Variants in OR51B5 observed in about 807,000 individuals in gnomAD.
The protein encoded by OR51B5 is olfactory receptor 51B5.
For missense variants in OR51B5, 456 were observed against 374.6 expected, an observed-to-expected ratio of 1.22 and a Z score of -1.79; for synonymous variants, 186 against 144.8, an observed-to-expected ratio of 1.28 and a Z score of -2.04.
downstream of OR51B5, among the ~76,000 whole-genome samples, chr11:5,341,939 G>C (rs375009277): frequency 6.6e-6 from 1 of 152,276 alleles, no homozygotes; most frequent in East Asian, 1.9e-4. Context: ...TTTGTTACAA[G>C]TTTGTCAGAA....
intron 1 of OR51B5, among the ~76,000 whole-genome samples, chr11:5,388,034 A>G (rs1849728008): frequency 6.6e-6 from 1 of 152,148 alleles, no homozygotes; most frequent in African/African-American, 2.4e-5. Context: ...CACCAACCTA[A>G]TAGAATTATG....
At chr11:5,505,007 T>G (rs956006558) in intron 1 of OR51B5, among the ~76,000 whole-genome samples, 1 of 152,246 alleles carries the variant, frequency 6.6e-6, no homozygotes, top group African/African-American at 2.4e-5. Flanking sequence ...CCAATTCACC[T>G]GGTGTCTTCC....
At position 5,422,399 on chromosome 11, in the gene OR51B5, A is replaced by G. The variant is rs779310676; in HGVS notation, n.85-75489T>C. The G allele has an allele frequency of 3.7e-6, 6 of 1,614,036 alleles. No individual in the cohort carries two copies. The South Asian group carries it at 6.6e-5, about 18-fold the overall frequency. ...CCAGCGCATGTATCTGTTTCTCTCCATGCTGGCCCTGACGGACCTGGGTCT... is the reference window on the plus strand; with the variant it reads ...CCAGCGCATGTATCTGTTTCTCTCCGTGCTGGCCCTGACGGACCTGGGTCT... On this transcript the variant is annotated intron_variant and non_coding_transcript_variant, in intron 1 of 4. Transcript: ENST00000415970.
chr11:5,397,238 A>G (rs999620826), intron 1 of OR51B5, among the ~76,000 whole-genome samples: 3 of 152,246 alleles, frequency 2.0e-5, no homozygotes, highest in African/African-American at 7.2e-5. Flanking sequence ...TCTGCACAGC[A>G]AAAGAAACTA....
chr11:5,366,840 G>A (rs893686114), intron 1 of OR51B5, among the ~76,000 whole-genome samples: 3 of 152,148 alleles, frequency 2.0e-5, no homozygotes, highest in Middle Eastern at 3.2e-3. Flanking sequence ...TCCCAAGCAC[G>A]GGTCTCTGTG....
At chr11:5,444,709 C>T (rs1850737127) in intron 1 of OR51B5, among the ~76,000 whole-genome samples, 1 of 152,042 alleles carries the variant, frequency 6.6e-6, no homozygotes, top group African/African-American at 2.4e-5. Flanking sequence ...ATTTATGAGC[C>T]CTCCAGAACA....
chr11:5,408,298 G>A (rs1367359972), intron 1 of OR51B5, among the ~76,000 whole-genome samples: 1 of 151,616 alleles, frequency 6.6e-6, no homozygotes, highest in Non-Finnish European at 1.5e-5. Flanking sequence ...CATGTATTAG[G>A]AAAAACCTCC....
Position 5,424,954 on chromosome 11 carries a change from C to T in OR51B5, n.85-78044G>A, listed in dbSNP as rs1850424489. ...CCGAGATCCCGCCACTGCACTCCAG[C>T]CTGGGCGACAGAGTGAGACTCCGCC... On this transcript the variant is annotated intron_variant and non_coding_transcript_variant, in intron 1 of 4. Transcript: ENST00000415970. Among the ~76,000 whole-genome samples, 2 of 93,934 alleles carry T rather than the reference C, an allele frequency of 2.1e-5. 1 individual carries two copies. The highest frequency in any genetic ancestry group is 4.7e-5 in the Non-Finnish European group (2 of 42,226). The allele number at this position is 93,934 out of a possible 152,430, so 61.6% of individuals were successfully genotyped here.
chr11:5,396,217 C>A (rs560083252), intron 1 of OR51B5, among the ~76,000 whole-genome samples: 2 of 152,010 alleles, frequency 1.3e-5, no homozygotes, highest in East Asian at 1.9e-4. Context: ...AAGTTCTGGC[C>A]CGGGCAATCG....
At position 5,454,121 on chromosome 11, in the gene OR51B5, G is replaced by A. The variant is rs990934444; in HGVS notation, n.84+51448C>T. On this transcript the variant is annotated intron_variant and non_coding_transcript_variant, in intron 1 of 4. Coordinates refer to the OR51B5 transcript ENST00000415970. Reference sequence around the variant, plus strand: ...TTGTATCCACCTTTGGCATGGACCTGTTTTTTATCTTCCTCTCCTATGTGC... The same window carrying A: ...TTGTATCCACCTTTGGCATGGACCTATTTTTTATCTTCCTCTCCTATGTGC... 5 of 1,614,046 alleles carry A rather than the reference G, an allele frequency of 3.1e-6. No homozygotes were observed. The Admixed American group carries it at 8.3e-5, about 27-fold the overall frequency.
chr11:5,454,099 T>C, intron 1 of OR51B5: 1 of 1,614,218 alleles, frequency 6.2e-7, no homozygotes, highest in Non-Finnish European at 8.5e-7. Context: ...TTTGTTCTTG[T>C]ATCCACCTTT....
chr11:5,380,367 A>G (rs888135415), intron 1 of OR51B5, among the ~76,000 whole-genome samples: 23 of 152,162 alleles, frequency 1.5e-4, no homozygotes, highest in African/African-American at 4.3e-4. Context: ...CCTTTTGGCA[A>G]TCCTAACTTC....
intron 1 of OR51B5, chr11:5,456,529 T>C (rs1332870931): frequency 1.3e-5 from 2 of 152,170 alleles, no homozygotes; most frequent in Non-Finnish European, 2.9e-5. Context: ...TTTTCCGCTA[T>C]TGAAACAGCA....
chr11:5,424,694 AG>A (rs1229535446), intron 1 of OR51B5, among the ~76,000 whole-genome samples: 60 of 151,896 alleles, frequency 4.0e-4, no homozygotes, highest in Non-Finnish European at 1.2e-4. Context: ...TAGAAGTGAA[AG>A]GCAGGGCCTG....
intron 1 of OR51B5, among the ~76,000 whole-genome samples, chr11:5,378,871 A>C (rs1849568513): frequency 6.6e-6 from 1 of 150,644 alleles, no homozygotes; most frequent in Non-Finnish European, 1.5e-5. Flanking sequence ...GTGGGACTGT[A>C]AACTAGTTCA....
intron 1 of OR51B5, among the ~76,000 whole-genome samples, chr11:5,493,220 C>T (rs1851603620): frequency 6.6e-6 from 1 of 152,064 alleles, no homozygotes; most frequent in African/African-American, 2.4e-5. Context: ...ATAATTAGTC[C>T]ACCCCATCTC....
intron 1 of OR51B5, among the ~76,000 whole-genome samples, chr11:5,486,566 A>G (rs1851502864): frequency 6.6e-6 from 1 of 152,178 alleles, no homozygotes; most frequent in Non-Finnish European, 1.5e-5. Context: ...AGCCACAAGC[A>G]GCTCTTTAGC....
chr11:5,467,002 TTTCCTTTGGGCTGAGGCTATA>T (rs1564822978), intron 1 of OR51B5, among the ~76,000 whole-genome samples: 1 of 151,012 alleles, frequency 6.6e-6, no homozygotes, highest in Non-Finnish European at 1.5e-5. Context: ...CTTAATGTAC[TTTCCTTTGGGCTGAGGCTATA>T]TCCTTTTGGA....
intron 1 of OR51B5, among the ~76,000 whole-genome samples, chr11:5,504,793 A>C (rs1410805938): frequency 6.6e-6 from 1 of 152,226 alleles, no homozygotes; most frequent in Non-Finnish European, 1.5e-5. Context: ...GCTAGGTAGA[A>C]GACAGTGACC....
Sources: gnomAD v4.1 joint callset for allele counts (sites outside exome capture counted in the v4.1 genomes callset) on GRCh38, gnomAD v4.1.1 for gene constraint, MANE v1.5 for transcripts, NCBI Gene and HGNC (gene_info 2026-07-23, HGNC 2026-07-21) for gene names.